Variants in RARB observed in about 807,000 individuals in gnomAD.
RARB encodes HBV-activated protein.
Under a neutral mutation model 51.9 loss-of-function variants are expected in RARB, and 17 were observed. That is an observed-to-expected ratio of 0.33 (90% CI 0.22 to 0.49). RARB has a LOEUF of 0.49. Among genes scored for constraint, RARB ranks in the 20% least tolerant of loss-of-function variants. The pLI, the probability that RARB is intolerant of heterozygous loss-of-function variation, is 0.99. For synonymous variants in RARB, 215 were observed against 195.4 expected, an observed-to-expected ratio of 1.10 and a Z score of -0.84; for missense variants, 369 against 550.8, an observed-to-expected ratio of 0.67 and a Z score of 3.30.
chr3:25,186,184 A>G lies in RARB; in HGVS notation c.178+11609A>G, dbSNP rs183945328. 4.6e-5 allele frequency among the ~76,000 whole-genome samples: 7 copies of G among 152,244 alleles called. No homozygotes were observed. The East Asian group carries it at 1.2e-3, about 25-fold the overall frequency. On this transcript the variant is annotated intron_variant, in intron 5 of 11. Transcript: ENST00000383772. ...AAAAGATTTTATTTCACTAAAAAGAAATTCAGATATCCCATATCAACCTCA... is the reference window on the plus strand; with the variant it reads ...AAAAGATTTTATTTCACTAAAAAGAGATTCAGATATCCCATATCAACCTCA...
chr3:24,893,200 G>T (rs1381440315), intron 2 of RARB, among the ~76,000 whole-genome samples: 1 of 152,184 alleles, frequency 6.6e-6, no homozygotes, highest in Non-Finnish European at 1.5e-5. Flanking sequence ...AAACCATGTT[G>T]GGAGATTGTG....
intron 4 of RARB, among the ~76,000 whole-genome samples, chr3:25,136,148 T>G (rs1490146226): frequency 1.3e-5 from 2 of 151,924 alleles, no homozygotes; most frequent in East Asian, 3.9e-4. Context: ...ATTGGTCCAT[T>G]GATCCCTCAA....
Position 25,533,960 on chromosome 3 carries a change from G to T in RARB, c.448+32637G>T, listed in dbSNP as rs189779401. Among the ~76,000 whole-genome samples the T allele has an allele frequency of 1.2e-4, 18 of 152,210 alleles. No individual in the cohort carries two copies. In the South Asian group the frequency reaches 3.7e-3, roughly 32 times the overall value. On this transcript the variant is annotated intron_variant, in intron 3 of 7. Coordinates refer to ENST00000330688, the MANE Select transcript of RARB (RefSeq NM_000965.5). Reference sequence around the variant, plus strand: ...TGTTGAAACTTTCAGTGCTCTTAGGGGGCTTCTCAGAGTTCTTCCTCAGAA... The same window carrying T: ...TGTTGAAACTTTCAGTGCTCTTAGGTGGCTTCTCAGAGTTCTTCCTCAGAA...
At chr3:25,547,715 T>C (rs1431689165) in intron 3 of RARB, among the ~76,000 whole-genome samples, 2 of 152,060 alleles carry the variant, frequency 1.3e-5, no homozygotes, top group Non-Finnish European at 2.9e-5. Context: ...AATAATTGTT[T>C]ATGGATGGAT....
intron 3 of RARB, among the ~76,000 whole-genome samples, chr3:25,552,604 G>T (rs1324065250): frequency 1.3e-5 from 2 of 152,080 alleles, no homozygotes; most frequent in African/African-American, 4.8e-5. Flanking sequence ...CTCTTAGTCT[G>T]GTTTCCTCTC....
At chr3:25,446,866 G>A (rs1420331752) in intron 1 of RARB, among the ~76,000 whole-genome samples, 1 of 146,740 alleles carries the variant, frequency 6.8e-6, no homozygotes, top group African/African-American at 2.5e-5. Flanking sequence ...GAATATAAAT[G>A]TGTACTTGGT....
intron 2 of RARB, among the ~76,000 whole-genome samples, chr3:24,867,015 T>C (rs1437670599): frequency 6.6e-6 from 1 of 152,066 alleles, no homozygotes; most frequent in Non-Finnish European, 1.5e-5. Context: ...AGTGGAGCCA[T>C]TGGTCATCAG....
At chr3:25,522,643 G>A (rs1470459550) in intron 3 of RARB, among the ~76,000 whole-genome samples, 1 of 152,050 alleles carries the variant, frequency 6.6e-6, no homozygotes, top group African/African-American at 2.4e-5. Context: ...TTTGCAGGAG[G>A]AGCAAAGACA....
At chr3:24,925,047 G>C (rs1394931265) in intron 2 of RARB, among the ~76,000 whole-genome samples, 1 of 152,010 alleles carries the variant, frequency 6.6e-6, no homozygotes. Flanking sequence ...GCACAAATGA[G>C]CACATGGTAA....
chr3:24,897,954 G>C (rs1343402804), intron 2 of RARB, among the ~76,000 whole-genome samples: 1 of 152,160 alleles, frequency 6.6e-6, no homozygotes. Flanking sequence ...TCTCGTGGAA[G>C]TGGGAGAAAA....
At chr3:25,582,009 G>C (rs1487123858) in intron 5 of RARB, among the ~76,000 whole-genome samples, 1 of 151,900 alleles carries the variant, frequency 6.6e-6, no homozygotes, top group Non-Finnish European at 1.5e-5. Context: ...GGGGTGGAGT[G>C]GGGTATACGG....
chr3:25,093,260 G>A (rs1344165673), intron 3 of RARB, among the ~76,000 whole-genome samples: 2 of 152,168 alleles, frequency 1.3e-5, no homozygotes, highest in Non-Finnish European at 2.9e-5. Flanking sequence ...GCTGGATTGG[G>A]ACAGAATATT....
intron 5 of RARB, among the ~76,000 whole-genome samples, chr3:25,231,001 A>G (rs146060506): frequency 2.0e-5 from 3 of 152,274 alleles, no homozygotes; most frequent in African/African-American, 7.2e-5. Context: ...AAAAACTATG[A>G]TATCTCTAAA....
intron 2 of RARB, among the ~76,000 whole-genome samples, chr3:24,991,634 A>G (rs1696913992): frequency 6.6e-6 from 1 of 152,134 alleles, no homozygotes; most frequent in African/African-American, 2.4e-5. Context: ...TTTCACAACA[A>G]GCACAGTTGT....
At chr3:24,848,337 A>C (rs536153732) in intron 1 of RARB, among the ~76,000 whole-genome samples, 6 of 152,326 alleles carry the variant, frequency 3.9e-5, no homozygotes, top group African/African-American at 1.4e-4. Flanking sequence ...CTGGGATTAC[A>C]GGTGTGATCC....
chr3:25,286,182 G>C (rs1003747701), intron 5 of RARB, among the ~76,000 whole-genome samples: 2 of 129,586 alleles, frequency 1.5e-5, no homozygotes, highest in South Asian at 4.9e-4. Flanking sequence ...TCCATCTCCC[G>C]GGTTCACGCC....
chr3:24,839,454 A>G (rs2125329508), intron 1 of RARB, among the ~76,000 whole-genome samples: 1 of 151,820 alleles, frequency 6.6e-6, no homozygotes, highest in Non-Finnish European at 1.5e-5. Flanking sequence ...TATGATCCCG[A>G]CACTTTGGGC....
chr3:25,033,936 C>T (rs1007798989), intron 2 of RARB, among the ~76,000 whole-genome samples: 2 of 152,144 alleles, frequency 1.3e-5, no homozygotes, highest in Non-Finnish European at 2.9e-5. Flanking sequence ...AAAGTAGATG[C>T]TTTAAATGTT....
intron 5 of RARB, among the ~76,000 whole-genome samples, chr3:25,302,670 A>G (rs936030643): frequency 2.6e-5 from 4 of 152,214 alleles, no homozygotes; most frequent in Non-Finnish European, 5.9e-5. Flanking sequence ...ATGTTTCAAG[A>G]TTAGATAGTG....
Sources: gnomAD v4.1 joint callset for allele counts (sites outside exome capture counted in the v4.1 genomes callset) on GRCh38, gnomAD v4.1.1 for gene constraint, MANE v1.5 for transcripts, NCBI Gene and HGNC (gene_info 2026-07-23, HGNC 2026-07-21) for gene names.